Variants in LRRC37A2 observed in about 807,000 individuals in gnomAD.
LRRC37A2 encodes the protein leucine-rich repeat-containing protein 37A2.
In LRRC37A2, 9 loss-of-function variants were observed where a neutral mutation model predicts 68.8. That is an observed-to-expected ratio of 0.13 (90% CI 0.08 to 0.23). The LOEUF is 0.23. Ranked by LOEUF, LRRC37A2 falls within the 10% of genes least tolerant of loss-of-function variation. LRRC37A2 has a pLI of 1.00. For synonymous variants in LRRC37A2, 63 were observed against 367.6 expected, an observed-to-expected ratio of 0.17 and a Z score of 9.48; for missense variants, 168 against 950.4, an observed-to-expected ratio of 0.18 and a Z score of 10.82.
At chr17:46,766,392 G>A in the LRRC37A2 span, among the ~76,000 whole-genome samples, 9 of 150,990 alleles carry the variant, frequency 6.0e-5, no homozygotes, top group African/African-American at 1.7e-4. Context: ...GGGCGACAAA[G>A]AGAGACTCAG....
the LRRC37A2 span, among the ~76,000 whole-genome samples, chr17:46,809,390 C>A: frequency 6.6e-6 from 1 of 152,220 alleles, no homozygotes; most frequent in East Asian, 1.9e-4. Context: ...ATAAGTGGGA[C>A]TCTGTGCCCA....
chr17:46,921,724 A>G, the LRRC37A2 span, among the ~76,000 whole-genome samples: 1 of 152,242 alleles, frequency 6.6e-6, no homozygotes, highest in South Asian at 2.1e-4. Flanking sequence ...CAACAGACAC[A>G]TGAAAAAATG....
the LRRC37A2 span, among the ~76,000 whole-genome samples, chr17:47,012,803 T>G: frequency 6.6e-6 from 1 of 152,224 alleles, no homozygotes; most frequent in Non-Finnish European, 1.5e-5. Flanking sequence ...GCAGTCACTT[T>G]GGAAATCTGG....
At chr17:46,929,513 T>C in the LRRC37A2 span, 1 of 1,498,482 alleles carries the variant, frequency 6.7e-7, no homozygotes, top group Non-Finnish European at 9.3e-7. Context: ...CCCTCTTCCT[T>C]TGATAGGCAG....
the LRRC37A2 span, chr17:46,935,802 A>T: frequency 3.0e-6 from 3 of 986,622 alleles, no homozygotes; most frequent in East Asian, 3.4e-4. Flanking sequence ...TTACAGAAAC[A>T]TTACACAGAC....
chr17:46,773,731 G>A, the LRRC37A2 span: 14 of 1,612,714 alleles, frequency 8.7e-6, no homozygotes, highest in South Asian at 1.3e-4. Context: ...TTCCAGCGGC[G>A]GCCCCGGAAC....
the LRRC37A2 span, among the ~76,000 whole-genome samples, chr17:46,808,725 T>C: frequency 6.6e-6 from 1 of 152,054 alleles, no homozygotes; most frequent in African/African-American, 2.4e-5. Flanking sequence ...CTTAGACACT[T>C]AAGCATCGTG....
chr17:46,981,629 C>T, the LRRC37A2 span, among the ~76,000 whole-genome samples: 3 of 152,158 alleles, frequency 2.0e-5, no homozygotes, highest in South Asian at 6.2e-4. Flanking sequence ...CTAAGACACC[C>T]ATACCCATCC....
the LRRC37A2 span, chr17:46,935,478 A>G: frequency 2.2e-6 from 3 of 1,362,042 alleles, no homozygotes; most frequent in Non-Finnish European, 2.8e-6. Flanking sequence ...AGGCTGAGAA[A>G]TTGTGTTACA....
At chr17:46,840,004 T>C in the LRRC37A2 span, among the ~76,000 whole-genome samples, 7 of 5,130 alleles carry the variant, frequency 1.4e-3, no homozygotes, top group Admixed American at 0.012. Context: ...TTCTTTCTTC[T>C]TTCTTTCTTT....
At chr17:46,945,289 C>T in the LRRC37A2 span, among the ~76,000 whole-genome samples, 1 of 152,162 alleles carries the variant, frequency 6.6e-6, no homozygotes, top group East Asian at 1.9e-4. Context: ...ACTTGCTGCT[C>T]AGAGGCCTGA....
chr17:46,969,781 C>T, the LRRC37A2 span, among the ~76,000 whole-genome samples: 1 of 152,198 alleles, frequency 6.6e-6, no homozygotes, highest in Non-Finnish European at 1.5e-5. Context: ...CCAGGCCTGG[C>T]CTGAAGATTT....
At chr17:46,979,768 A>T in the LRRC37A2 span, among the ~76,000 whole-genome samples, 276 of 136,574 alleles carry the variant, frequency 2.0e-3, 1 homozygote, top group African/African-American at 6.6e-3. Context: ...CTTTTTTTTT[A>T]AATTAAAAAA....
the LRRC37A2 span, chr17:46,768,745 A>G: frequency 6.2e-7 from 1 of 1,614,140 alleles, no homozygotes; most frequent in Non-Finnish European, 8.5e-7. This position sits in a 1 kb window ranked among gnomAD's most constrained non-coding sequence, Gnocchi z 5.0. Context: ...TTCACCTCAC[A>G]GCTGCCCGAC....
the LRRC37A2 span, among the ~76,000 whole-genome samples, chr17:46,896,472 G>GAA: frequency 2.3e-5 from 3 of 130,056 alleles, no homozygotes; most frequent in Admixed American, 7.2e-5. Flanking sequence ...AAGAAAGAAA[G>GAA]AAAGACAGAC....
chr17:46,932,447 A>G, the LRRC37A2 span: 1 of 601,704 alleles, frequency 1.7e-6, no homozygotes, highest in East Asian at 2.7e-5. Context: ...GGTGAAAATT[A>G]CCTGGTTGGG....
chr17:46,877,246 C>A, the LRRC37A2 span, among the ~76,000 whole-genome samples: 1 of 152,194 alleles, frequency 6.6e-6, no homozygotes, highest in Non-Finnish European at 1.5e-5. Flanking sequence ...TCCACCACTC[C>A]CCTGGTTTTG....
At chr17:46,815,455 T>C in the LRRC37A2 span, among the ~76,000 whole-genome samples, 1 of 151,946 alleles carries the variant, frequency 6.6e-6, no homozygotes, top group Non-Finnish European at 1.5e-5. Context: ...CCCCTGTAAA[T>C]CCTTCCTGGG....
At chr17:46,631,108 C>A in the LRRC37A2 span, among the ~76,000 whole-genome samples, 1 of 66,268 alleles carries the variant, frequency 1.5e-5, no homozygotes, top group East Asian at 4.1e-4. Flanking sequence ...ACACACACAT[C>A]TTTTATCCTA....
Sources: gnomAD v4.1 joint callset for allele counts (sites outside exome capture counted in the v4.1 genomes callset) on GRCh38, gnomAD v4.1.1 for gene constraint, Gnocchi (gnomAD v3.1) non-coding constraint, MANE v1.5 for transcripts, NCBI Gene and HGNC (gene_info 2026-07-23, HGNC 2026-07-21) for gene names.